Variants in SNX18 observed in about 807,000 individuals in gnomAD.
The protein encoded by SNX18 is sorting nexin 18.
A neutral mutation model predicts 48.7 loss-of-function variants in SNX18; 35 were observed. The observed-to-expected ratio is 0.72, with a 90% CI of 0.55 to 0.95. The LOEUF (loss-of-function observed/expected upper bound fraction) is 0.95. Among genes scored for constraint, SNX18 ranks in the 40% least tolerant of loss-of-function variants. The probability of loss-of-function intolerance (pLI) is 0.00; values close to 1 mark genes in which losing one functional copy is unlikely to be tolerated. For synonymous variants in SNX18, 492 were observed against 384.7 expected (o/e 1.28, Z -3.26); for missense variants, 824 against 871.0 (o/e 0.95, Z 0.68).
chr5:54,584,876 T>C, the SNX18 span, among the ~76,000 whole-genome samples: 2 of 152,320 alleles, frequency 1.3e-5, no homozygotes, highest in East Asian at 3.9e-4. Flanking sequence ...GCCTCAGTGT[T>C]ATCCTAGACT....
chr5:54,530,149 T>C (rs1762225687), intron 1 of SNX18, among the ~76,000 whole-genome samples: 1 of 152,226 alleles, frequency 6.6e-6, no homozygotes, highest in East Asian at 1.9e-4. Flanking sequence ...CCTGTGTGTC[T>C]GTCTCTGTGC....
the SNX18 span, among the ~76,000 whole-genome samples, chr5:54,586,432 G>C: frequency 7.7e-6 from 1 of 129,060 alleles, no homozygotes; most frequent in Non-Finnish European, 1.8e-5. Context: ...CTGCAGAGTA[G>C]GTAATTTAAA....
At chr5:54,631,682 G>C in the SNX18 span, among the ~76,000 whole-genome samples, 6 of 152,038 alleles carry the variant, frequency 3.9e-5, no homozygotes, top group Non-Finnish European at 8.8e-5. Flanking sequence ...CAATAAACCA[G>C]GTGACAATCA....
intron 1 of SNX18, among the ~76,000 whole-genome samples, chr5:54,529,336 A>G (rs741583): frequency 0.14 from 20,649 of 152,204 alleles, 1,560 homozygotes; most frequent in Middle Eastern, 0.26. Flanking sequence ...TCTGCAGACT[A>G]CAGCCCACGG....
the SNX18 span, among the ~76,000 whole-genome samples, chr5:54,596,383 G>A: frequency 6.6e-6 from 1 of 152,198 alleles, no homozygotes; most frequent in Non-Finnish European, 1.5e-5. Flanking sequence ...TGGAGGAAAA[G>A]GGGCCTAGGA....
chr5:54,599,716 A>G, the SNX18 span, among the ~76,000 whole-genome samples: 3 of 152,196 alleles, frequency 2.0e-5, no homozygotes, highest in Admixed American at 1.3e-4. Context: ...AACAAACTTG[A>G]CAAAAACAAG....
chr5:54,612,534 A>G, the SNX18 span, among the ~76,000 whole-genome samples: 1 of 152,126 alleles, frequency 6.6e-6, no homozygotes, highest in African/African-American at 2.4e-5. Flanking sequence ...AAGTGCTGGG[A>G]TTACAGGCGT....
the SNX18 span, among the ~76,000 whole-genome samples, chr5:54,597,418 C>T: frequency 6.6e-6 from 1 of 152,148 alleles, no homozygotes; most frequent in Non-Finnish European, 1.5e-5. Flanking sequence ...ACAGATCTTT[C>T]CACCCCAGAA....
chr5:54,638,021 T>C, the SNX18 span, among the ~76,000 whole-genome samples: 2 of 143,312 alleles, frequency 1.4e-5, no homozygotes, highest in African/African-American at 2.5e-5. Flanking sequence ...GAGAACATTT[T>C]CTCCAATTTC....
chr5:54,617,954 G>A, the SNX18 span, among the ~76,000 whole-genome samples: 1 of 152,248 alleles, frequency 6.6e-6, no homozygotes. Flanking sequence ...TGGGGGATGC[G>A]AGGATTATGA....
chr5:54,520,493 C>G (rs78476873), intron 1 of SNX18: 2,050 of 167,298 alleles, frequency 0.012, 15 homozygotes, highest in Non-Finnish European at 0.019. Context: ...CTGTGAAAGT[C>G]CAGTGTAGGG....
chr5:54,632,559 T>A, the SNX18 span, among the ~76,000 whole-genome samples: 1 of 152,146 alleles, frequency 6.6e-6, no homozygotes, highest in South Asian at 2.1e-4. Flanking sequence ...ACGGCTCCTT[T>A]TTTGTGGTGT....
chr5:54,641,700 G>A, the SNX18 span, among the ~76,000 whole-genome samples: 1 of 152,210 alleles, frequency 6.6e-6, no homozygotes, highest in Non-Finnish European at 1.5e-5. Context: ...AAGTGACAGG[G>A]AAACTATAGA....
chr5:54,640,561 A>G, the SNX18 span, among the ~76,000 whole-genome samples: 1 of 152,180 alleles, frequency 6.6e-6, no homozygotes, highest in Non-Finnish European at 1.5e-5. Context: ...CTACAAGACG[A>G]AATAGTAATT....
the SNX18 span, among the ~76,000 whole-genome samples, chr5:54,559,514 T>G: frequency 6.6e-6 from 1 of 152,208 alleles, no homozygotes; most frequent in Non-Finnish European, 1.5e-5. Context: ...GATAACTGGC[T>G]AGCCACATGC....
chr5:54,555,828 A>G, the SNX18 span, among the ~76,000 whole-genome samples: 7 of 136,932 alleles, frequency 5.1e-5, no homozygotes, highest in Non-Finnish European at 9.5e-5. Flanking sequence ...CCTTGTCTCA[A>G]AAAAAAAAAA....
chr5:54,521,671 C>T (rs1052871320), intron 1 of SNX18, among the ~76,000 whole-genome samples: 3 of 152,066 alleles, frequency 2.0e-5, no homozygotes, highest in Non-Finnish European at 4.4e-5. Context: ...AACCATTGCC[C>T]TCCAGCTTGG....
the SNX18 span, among the ~76,000 whole-genome samples, chr5:54,604,963 G>A: frequency 3.3e-5 from 5 of 152,254 alleles, no homozygotes; most frequent in Admixed American, 6.5e-5. Context: ...AGCAGTCCCC[G>A]AATATGAAAC....
rs967396559 is a variant in SNX18 at position 54,530,934 on chromosome 5, G to A, written c.1621+11361G>A. ...ACCCAGCTAATTTTTTGTATTTTTAGTAGAGACGAGGTTTCATCATGTTGG... is the reference window on the plus strand; with the variant it reads ...ACCCAGCTAATTTTTTGTATTTTTAATAGAGACGAGGTTTCATCATGTTGG... On this transcript the variant is annotated intron_variant, in intron 1 of 1. Transcript: ENST00000381410. 7.9e-5 allele frequency among the ~76,000 whole-genome samples: 12 copies of A among 151,546 alleles called. No individual in the cohort carries two copies. The South Asian group carries it at 1.9e-3, about 24-fold the overall frequency.
Sources: allele counts gnomAD v4.1 joint callset (sites outside exome capture counted in the v4.1 genomes callset), GRCh38; gene constraint gnomAD v4.1.1; transcripts MANE v1.5; gene names NCBI Gene and HGNC (gene_info 2026-07-23, HGNC 2026-07-21).